FRAS1: variants seen among roughly 807,000 people sequenced by gnomAD.
FRAS1 encodes the protein extracellular matrix organizing protein FRAS1.
In FRAS1, 290 loss-of-function variants were observed where a neutral mutation model predicts 435.2. The ratio of observed to expected loss-of-function variants is 0.67; its 90% CI spans 0.61 to 0.73. The LOEUF (loss-of-function observed/expected upper bound fraction) is 0.73. FRAS1 is among the 30% of genes least tolerant of loss of function. The probability of loss-of-function intolerance (pLI) is 0.00; values close to 1 mark genes in which losing one functional copy is unlikely to be tolerated. For missense variants in FRAS1, 4,860 were observed against 5,001.5 expected, an observed-to-expected ratio of 0.97 and a Z score of 0.85; for synonymous variants, 1,800 against 1,851.0, an observed-to-expected ratio of 0.97 and a Z score of 0.71.
At chr4:78,098,307 T>G (rs553107980) in intron 2 of FRAS1, among the ~76,000 whole-genome samples, 1 of 148,184 alleles carries the variant, frequency 6.7e-6, no homozygotes, top group South Asian at 2.2e-4. Flanking sequence ...AGAGTCTCTC[T>G]CTCTGTTGCC....
At chr4:78,324,496 C>A (rs1338676750) in intron 18 of FRAS1, among the ~76,000 whole-genome samples, 2 of 151,926 alleles carry the variant, frequency 1.3e-5, no homozygotes, top group African/African-American at 2.4e-5. Context: ...GGGTATATAT[C>A]CCTTTGTAGT....
At chr4:78,463,081 A>G (rs1460786127) in intron 47 of FRAS1, among the ~76,000 whole-genome samples, 1 of 152,228 alleles carries the variant, frequency 6.6e-6, no homozygotes, top group East Asian at 1.9e-4. Context: ...AGAATCAGAA[A>G]GAGAGAATTT....
At chr4:78,516,579 C>T (rs1721222523) in intron 66 of FRAS1, among the ~76,000 whole-genome samples, 1 of 152,150 alleles carries the variant, frequency 6.6e-6, no homozygotes, top group Non-Finnish European at 1.5e-5. Context: ...TCTCACACTA[C>T]CATAAAGACA....
intron 14 of FRAS1, among the ~76,000 whole-genome samples, chr4:78,298,003 C>CCTCTCTCTCTCTCTCT (rs765903880): frequency 3.4e-5 from 4 of 119,274 alleles, no homozygotes; most frequent in African/African-American, 1.3e-4. Flanking sequence ...TTAATTTGTT[C>CCTCTCTCTCTCTCTCT]CTCTCTCTCT....
At chr4:78,325,673 G>C (rs932595654) in intron 18 of FRAS1, among the ~76,000 whole-genome samples, 2 of 152,200 alleles carry the variant, frequency 1.3e-5, no homozygotes, top group Non-Finnish European at 2.9e-5. Flanking sequence ...GGCCATGCCT[G>C]AAGGAAAGCA....
chr4:78,085,715 G>A (rs1486196027), intron 2 of FRAS1, among the ~76,000 whole-genome samples: 2 of 152,132 alleles, frequency 1.3e-5, no homozygotes, highest in African/African-American at 2.4e-5. Context: ...AATTCAACAA[G>A]ACGAGCCAAC....
At chr4:78,145,814 C>A (rs1433884888) in intron 2 of FRAS1, among the ~76,000 whole-genome samples, 2 of 152,106 alleles carry the variant, frequency 1.3e-5, no homozygotes, top group African/African-American at 4.8e-5. Flanking sequence ...AGTGGGAGGT[C>A]ACTGAATCAC....
chr4:78,510,302 G>A (rs28721400), intron 63 of FRAS1, among the ~76,000 whole-genome samples: 49,262 of 151,716 alleles, frequency 0.32, 8,612 homozygotes, highest in South Asian at 0.52. Flanking sequence ...CCTTTACCCT[G>A]GTTTCCGTCA....
chr4:78,376,232 T>C (rs1387197281), intron 26 of FRAS1, among the ~76,000 whole-genome samples: 2 of 152,180 alleles, frequency 1.3e-5, no homozygotes, highest in Non-Finnish European at 2.9e-5. Context: ...TTCTGAGAAA[T>C]GCATCATTAA....
chr4:78,067,834 C>T (rs1190969940), intron 2 of FRAS1, among the ~76,000 whole-genome samples: 1 of 149,688 alleles, frequency 6.7e-6, no homozygotes, highest in Non-Finnish European at 1.5e-5. Context: ...GATGGGACTA[C>T]AGCTGCACAC....
Position 78,465,043 on chromosome 4 carries a change from A to G in FRAS1, c.7029+460A>G, listed in dbSNP as rs188275140. On this transcript the variant is annotated intron_variant, in intron 49 of 73. Coordinates refer to ENST00000512123, the MANE Select transcript of FRAS1 (RefSeq NM_025074.7). Reference sequence around the variant, plus strand: ...CTCAAAGACTAGGCTTTGTGCAGTAAAACAGGGCATGTGGAGACTAAGCTT... The same window carrying G: ...CTCAAAGACTAGGCTTTGTGCAGTAGAACAGGGCATGTGGAGACTAAGCTT... 2.6e-3 allele frequency among the ~76,000 whole-genome samples: 389 copies of G among 152,316 alleles called. 3 individuals carry two copies. Among genetic ancestry groups the G allele is most frequent in the African/African-American group, 8.8e-3 (365 of 41,562 alleles).
At chr4:78,132,342 C>T (rs1170770294) in intron 2 of FRAS1, among the ~76,000 whole-genome samples, 1 of 152,106 alleles carries the variant, frequency 6.6e-6, no homozygotes, top group Non-Finnish European at 1.5e-5. Context: ...ATAATATGCC[C>T]TTTCTTAAAA....
intron 7 of FRAS1, 119 bp from the exon 8 acceptor site, chr4:78,266,715 A>G (rs1363261743): frequency 2.8e-6 from 2 of 720,036 alleles, no homozygotes; most frequent in Non-Finnish European, 5.0e-6. Context: ...TCTCAAGAGT[A>G]CATTCAATGT....
rs745346324 is a variant in FRAS1, at chr4:78,515,935, C to T, written c.10311C>T (p.Cys3437=). 4 of 1,613,848 alleles carry T rather than the reference C, an allele frequency of 2.5e-6. No homozygotes were observed. The highest frequency in any genetic ancestry group is 4.5e-5 in the East Asian group (2 of 44,886). The change falls in exon 66 of 74, where the codon TGC becomes TGT. Residue 3437 remains cysteine, a synonymous_variant. Transcript: ENST00000512123. ...QLYKHLNLKS[C]VWTFDAYYDM... ...ACAAACACCTGAACCTGAAGAGCTG[C>T]GTGTGGACCTTTGATGCTTATTATG...
chr4:78,530,118 C>A (rs1721665116), intron 70 of FRAS1, among the ~76,000 whole-genome samples: 1 of 151,658 alleles, frequency 6.6e-6, no homozygotes, highest in Non-Finnish European at 1.5e-5. Context: ...TTTGACCACT[C>A]CCTTTGGCTT....
In FRAS1 at chr4:78,321,487, TAA is replaced by T. The variant is rs1441536840; in HGVS notation, c.2137+2502_2137+2503del. Among the ~76,000 whole-genome samples the T allele has an allele frequency of 2.0e-5, 3 of 152,174 alleles. No individual in the cohort carries two copies. The East Asian group carries it at 5.8e-4, about 29-fold the overall frequency. ...CTTCAGGGTTAGAGCATCTTAAATT[TAA>T]GAAAACATCCTTGACAAAGGGAAGG... On this transcript the variant is annotated intron_variant, in intron 18 of 73. Transcript: ENST00000512123.
chr4:78,443,023 G>A (rs977540496), intron 41 of FRAS1, among the ~76,000 whole-genome samples: 4 of 152,238 alleles, frequency 2.6e-5, no homozygotes, highest in South Asian at 2.1e-4. Context: ...AGGCTCCTCC[G>A]CCTCTGTTTA....
chr4:78,424,358 A>C (rs1265271394), intron 34 of FRAS1, 30 bp from the exon 35 acceptor site: 2 of 1,349,868 alleles, frequency 1.5e-6, no homozygotes, highest in Non-Finnish European at 2.0e-6. Flanking sequence ...AAAGTGTTTA[A>C]TATACTGATT....
At chr4:78,447,781 T>G (rs1308906830) in intron 43 of FRAS1, among the ~76,000 whole-genome samples, 2 of 152,168 alleles carry the variant, frequency 1.3e-5, no homozygotes, top group African/African-American at 4.8e-5. Context: ...AGATATGATT[T>G]GTAAGTCACT....
Sources: allele counts gnomAD v4.1 joint callset (sites outside exome capture counted in the v4.1 genomes callset), GRCh38; gene constraint gnomAD v4.1.1; transcripts MANE v1.5; gene names NCBI Gene and HGNC (gene_info 2026-07-23, HGNC 2026-07-21).